Variants in DZIP3 observed in about 807,000 individuals in gnomAD.
DZIP3 encodes DAZ interacting zinc finger protein 3, also known as E3 ubiquitin-protein ligase DZIP3.
In DZIP3, 118 loss-of-function variants were observed where a neutral mutation model predicts 162.0. The ratio of observed to expected loss-of-function variants is 0.73; its 90% CI spans 0.63 to 0.85. The LOEUF (loss-of-function observed/expected upper bound fraction) is 0.85, where lower values mean the gene tolerates loss of function less well. DZIP3 is among the 40% of genes least tolerant of loss of function. The pLI is 0.00. For missense variants in DZIP3, 1,331 were observed against 1,407.0 expected, an observed-to-expected ratio of 0.95 and a Z score of 0.86; for synonymous variants, 438 against 458.6, an observed-to-expected ratio of 0.96 and a Z score of 0.57.
intron 19 of DZIP3, among the ~76,000 whole-genome samples, chr3:108,656,519 G>A (rs1943128582): frequency 2.0e-5 from 3 of 151,862 alleles, no homozygotes; most frequent in South Asian, 4.1e-4. Context: ...AAGACCAAAG[G>A]CAGATAAAAC....
In DZIP3 at chr3:108,654,298, C is replaced by T. The variant is rs770260107; in HGVS notation, c.2187C>T (p.Asp729=). The change falls in exon 19 of 33, where the codon GAC becomes GAT. Residue 729 remains aspartate, a synonymous_variant. Coordinates refer to ENST00000361582, the MANE Select transcript of DZIP3 (RefSeq NM_014648.4). ...GCCTGGATGAATTGCATATTCTGGA[C>T]ATGATAGAGCAGGTAAGCATGATTA... is the stretch of plus-strand genomic sequence containing the variant. ...FYSLDELHIL[D]MIEQGSAGKV... is the part of the protein sequence containing the mutation. 8 of 1,613,484 alleles carry T rather than the reference C, an allele frequency of 5.0e-6. No individual in the cohort carries two copies. The highest frequency in any genetic ancestry group is 6.8e-6 in the Non-Finnish European group (8 of 1,179,620).
intron 21 of DZIP3, among the ~76,000 whole-genome samples, chr3:108,664,654 C>G (rs968843683): frequency 6.6e-6 from 1 of 152,224 alleles, no homozygotes; most frequent in Non-Finnish European, 1.5e-5. Context: ...CCCTTTTCCC[C>G]CCTTCCCTCA....
At chr3:108,656,718 A>G (rs1362235442) in intron 19 of DZIP3, among the ~76,000 whole-genome samples, 1 of 152,202 alleles carries the variant, frequency 6.6e-6, no homozygotes, top group Admixed American at 6.5e-5. Flanking sequence ...GTTCGAACCC[A>G]TGGCAAAGAA....
intron 1 of DZIP3, among the ~76,000 whole-genome samples, chr3:108,599,052 T>C (rs1421128441): frequency 6.6e-6 from 1 of 152,266 alleles, no homozygotes; most frequent in Non-Finnish European, 1.5e-5. Context: ...ATTTAAAACC[T>C]GCTTAAGACA....
chr3:108,597,093 T>C (rs942932527), intron 1 of DZIP3, among the ~76,000 whole-genome samples: 1 of 152,242 alleles, frequency 6.6e-6, no homozygotes, highest in Non-Finnish European at 1.5e-5. Context: ...TCAGAAATGT[T>C]ACCTTTGTCA....
At chr3:108,646,770 C>T (rs1366818868) in intron 15 of DZIP3, 121 bp downstream of exon 15, 2 of 695,460 alleles carry the variant, frequency 2.9e-6, no homozygotes, top group East Asian at 3.1e-5. Context: ...GGGCCAGGCG[C>T]AGTGGCTCAC....
intron 26 of DZIP3, among the ~76,000 whole-genome samples, chr3:108,683,908 C>CA (rs1489890411): frequency 6.6e-6 from 1 of 152,108 alleles, no homozygotes; most frequent in Middle Eastern, 3.2e-3. Flanking sequence ...TTATCCAACC[C>CA]TCTCATTTTA....
In DZIP3 at chr3:108,644,725, A is replaced by AT; in HGVS notation, c.1703_1704insT (p.Leu569ProfsTer32). 1 of 1,610,754 alleles carries AT rather than the reference A, an allele frequency of 6.2e-7. No individual in the cohort carries two copies. Among genetic ancestry groups the AT allele is most frequent in the Non-Finnish European group, 8.5e-7 (1 of 1,179,478 alleles). Reference sequence around the variant, plus strand: ...CTTGATTACCATCAGCTATCTGTCTACCTAGGCATACCAGTACCAGAAATC... The same window carrying AT: ...CTTGATTACCATCAGCTATCTGTCTATCCTAGGCATACCAGTACCAGAAATC... On this transcript the variant is annotated frameshift_variant, in exon 14 of 33. Coordinates refer to ENST00000361582, the MANE Select transcript of DZIP3 (RefSeq NM_014648.4). LOFTEE classifies it high-confidence loss of function.
intron 32 of DZIP3, chr3:108,691,474 G>A (rs373372034): frequency 1.3e-5 from 2 of 151,922 alleles, no homozygotes; most frequent in African/African-American, 4.8e-5. Context: ...TGATCTAATG[G>A]TAAGAAACTG....
chr3:108,609,928 AT>A (rs1190120065), intron 3 of DZIP3, among the ~76,000 whole-genome samples: 2 of 152,182 alleles, frequency 1.3e-5, no homozygotes, highest in African/African-American at 2.4e-5. Context: ...GTATCCGATG[AT>A]TCTACAAGTA....
At position 108,644,583 on chromosome 3, in the gene DZIP3, C is replaced by G. The variant is rs1275777438; in HGVS notation, c.1561C>G (p.Leu521Val). The change falls in exon 14 of 33, where the codon CTC becomes GTC. Residue 521 changes from leucine to valine, a missense_variant. By Grantham distance (32) the Leu-to-Val change is conservative. This residue lies in a region of DZIP3 where 1,278 missense variants were observed against 1,317.1 expected (regional missense o/e 0.97). Transcript: ENST00000361582. ...ILLSEILMNG[L>V]TESQFNSIWK... is the part of the protein sequence containing the mutation. ...CCTTAGTGAGATTTTGATGAATGGT[C>G]TCACTGAGTCACAGTTCAATTCAAT... 6.2e-7 allele frequency: 1 copy of G among 1,613,992 alleles called. No homozygotes were observed.
chr3:108,590,406 G>A (rs1576328173), intron 1 of DZIP3, among the ~76,000 whole-genome samples: 1 of 152,086 alleles, frequency 6.6e-6, no homozygotes, highest in East Asian at 1.9e-4. Context: ...CTAGATTTTT[G>A]AAGACAGGTT....
rs1941814828 is a variant in DZIP3, at chr3:108,631,028, C to CACACACACACACACAG, written c.696+1867_696+1868insGACACACACACACACA. Among the ~76,000 whole-genome samples, 2 of 86,072 alleles carry CACACACACACACACAG rather than the reference C, an allele frequency of 2.3e-5. 1 individual carries two copies. Among genetic ancestry groups the CACACACACACACACAG allele is most frequent in the African/African-American group, 1.0e-4 (2 of 19,696 alleles). The allele number at this position is 86,072 out of a possible 152,430, so 56.5% of individuals were successfully genotyped here. ...TCCCCTACACACACACACACACACA[C>CACACACACACACACAG]ACACACACACACACACACACACACA... On this transcript the variant is annotated intron_variant, in intron 8 of 32. Coordinates refer to ENST00000361582, the MANE Select transcript of DZIP3 (RefSeq NM_014648.4).
At chr3:108,591,437 A>G (rs1939413531) in intron 1 of DZIP3, among the ~76,000 whole-genome samples, 1 of 152,256 alleles carries the variant, frequency 6.6e-6, no homozygotes, top group African/African-American at 2.4e-5. Flanking sequence ...GTCCCCATTC[A>G]GAGGCCCAGG....
At chr3:108,606,539 G>A (rs1474488327) in intron 2 of DZIP3, among the ~76,000 whole-genome samples, 1 of 152,076 alleles carries the variant, frequency 6.6e-6, no homozygotes, top group Non-Finnish European at 1.5e-5. Flanking sequence ...CTGTCTATAG[G>A]AAGAAAAAAT....
At position 108,677,533 on chromosome 3, in the gene DZIP3, G is replaced by A. The variant is rs974059823; in HGVS notation, c.2818G>A (p.Gly940Arg). 3 of 1,612,448 alleles carry A rather than the reference G, an allele frequency of 1.9e-6. No individual in the cohort carries two copies. Among genetic ancestry groups the A allele is most frequent in the African/African-American group, 2.7e-5 (2 of 74,802 alleles). The change falls in exon 26 of 33, where the codon GGA becomes AGA. Residue 940 changes from glycine (G) to arginine (R), a missense_variant. This residue lies in a region of DZIP3 where 1,278 missense variants were observed against 1,317.1 expected (regional missense o/e 0.97). Transcript: ENST00000361582. ...TGAACAAATAAACAAAGTCAAGCAAGGATTTGCCTTGAGTACCTTGCCTCC... is the reference window on the plus strand; with the variant it reads ...TGAACAAATAAACAAAGTCAAGCAAAGATTTGCCTTGAGTACCTTGCCTCC... ...YNEQINKVKQ[G>R]FALSTLPPVQ...
rs180917813 is a variant in DZIP3, at chr3:108,654,285, T to A, written c.2174T>A (p.Leu725Ter). The change falls in exon 19 of 33, where the codon TTG becomes TAG. Residue 725 changes from leucine (L) to a stop codon, truncating the protein, a stop_gained. Coordinates refer to ENST00000361582, the MANE Select transcript of DZIP3 (RefSeq NM_014648.4). LOFTEE classifies it high-confidence loss of function. ...GACAAGTTCTATAGCCTGGATGAAT[T>A]GCATATTCTGGACATGATAGAGCAG... The part of the protein sequence containing the change: ...MEDKFYSLDE[L>*]HILDMIEQGS... 61 of 1,613,716 alleles carry A rather than the reference T, an allele frequency of 3.8e-5. No homozygotes were observed. The highest frequency in any genetic ancestry group is 5.2e-5 in the Non-Finnish European group (61 of 1,179,686).
At chr3:108,647,844 G>T (rs1942697035) in intron 15 of DZIP3, 99 bp from the exon 16 acceptor site, 1 of 942,764 alleles carries the variant, frequency 1.1e-6, no homozygotes, top group Non-Finnish European at 1.6e-6. Flanking sequence ...TTTTATTTCT[G>T]TTTTGTGAAT....
chr3:108,675,655 A>C (rs1436150431), intron 24 of DZIP3, 131 bp from the exon 25 acceptor site: 12 of 587,000 alleles, frequency 2.0e-5, no homozygotes, highest in Non-Finnish European at 3.4e-5. Context: ...GTCCATTTGA[A>C]GTAATTGTTG....
Sources: allele counts gnomAD v4.1 joint callset (sites outside exome capture counted in the v4.1 genomes callset), GRCh38; gene constraint gnomAD v4.1.1; regional missense constraint gnomAD v4.1.1; transcripts MANE v1.5; gene names NCBI Gene and HGNC (gene_info 2026-07-23, HGNC 2026-07-21).